Variants in SENP5 observed in about 807,000 individuals in gnomAD.
SENP5 encodes SUMO specific peptidase 5.
A neutral mutation model predicts 74.2 loss-of-function variants in SENP5; 21 were observed. The ratio of observed to expected loss-of-function variants is 0.28; its 90% CI spans 0.20 to 0.41. SENP5 has a LOEUF of 0.41. SENP5 is among the 10% of genes least tolerant of loss of function. The probability of loss-of-function intolerance (pLI) is 1.00; values close to 1 mark genes in which losing one functional copy is unlikely to be tolerated. For synonymous variants in SENP5, 311 were observed against 312.7 expected, an observed-to-expected ratio of 0.99 and a Z score of 0.06; for missense variants, 717 against 889.1, an observed-to-expected ratio of 0.81 and a Z score of 2.46.
rs544989017 is a variant in SENP5, at chr3:196,882,009, G to T, written c.-31-3142G>T. On this transcript the variant is annotated intron_variant, in intron 1 of 9. Transcript: ENST00000323460. ...ACTCCCAGGTTCAAGCAATTCTCGTGTCTCAGCCTCCCGAGTAGCTGGGAT... is the reference window on the plus strand; with the variant it reads ...ACTCCCAGGTTCAAGCAATTCTCGTTTCTCAGCCTCCCGAGTAGCTGGGAT... Among the ~76,000 whole-genome samples, 187 of 149,868 alleles carry T rather than the reference G, an allele frequency of 1.2e-3. 1 individual carries two copies. The highest frequency in any genetic ancestry group is 1.8e-3 in the East Asian group (9 of 5,030).
At chr3:196,902,018 A>G (rs192429796) in intron 5 of SENP5, among the ~76,000 whole-genome samples, 1 of 152,358 alleles carries the variant, frequency 6.6e-6, no homozygotes, top group Admixed American at 6.5e-5. Flanking sequence ...TGTTTTGACA[A>G]GCTCTCTAGA....
Position 196,885,817 on chromosome 3 carries a change from G to A in SENP5, c.636G>A (p.Leu212=). ...AGCACCACAGGAATGGGGGACCCTT[G>A]ATTCCAAAAAAGTTCCAACTTAACC... ...GPEHHRNGGP[L]IPKKFQLNQH... The change falls in exon 2 of 10, where the codon TTG becomes TTA. Residue 212 remains leucine (L), a synonymous_variant. Transcript: ENST00000323460. The A allele has an allele frequency of 6.2e-7, 1 of 1,614,094 alleles. No homozygotes were observed. The highest frequency in any genetic ancestry group is 1.1e-5 in the South Asian group (1 of 91,070).
At chr3:196,874,841 T>A (rs567391448) in intron 1 of SENP5, among the ~76,000 whole-genome samples, 13 of 152,180 alleles carry the variant, frequency 8.5e-5, no homozygotes, top group Admixed American at 3.9e-4. Flanking sequence ...ATCGTGCCAT[T>A]GTACTCCAGC....
Position 196,885,853 on chromosome 3 carries a change from G to A in SENP5, c.672G>A (p.Arg224=), listed in dbSNP as rs1176563857. The part of the protein sequence containing the change: ...PKKFQLNQHR[R]IKLSPLMMYE... ...AGTTCCAACTTAACCAACATAGAAG[G>A]ATAAAATTATCTCCTCTTATGATGT... The change falls in exon 2 of 10, where the codon AGG becomes AGA. Residue 224 remains arginine (R), a synonymous_variant. Transcript: ENST00000323460. 3 of 1,613,962 alleles carry A rather than the reference G, an allele frequency of 1.9e-6. No homozygotes were observed. The highest frequency in any genetic ancestry group is 2.5e-6 in the Non-Finnish European group (3 of 1,179,998).
chr3:196,892,566 C>T (rs979427463), intron 2 of SENP5, among the ~76,000 whole-genome samples: 1 of 152,156 alleles, frequency 6.6e-6, no homozygotes, highest in Non-Finnish European at 1.5e-5. Flanking sequence ...CTCACTTCGT[C>T]GTGAGAACAT....
At chr3:196,872,622 C>T (rs142376684) in intron 1 of SENP5, among the ~76,000 whole-genome samples, 1,669 of 152,242 alleles carry the variant, frequency 0.011, 22 homozygotes, top group African/African-American at 0.032. Context: ...TAAGCTGCTA[C>T]GTGTGGTTAG....
chr3:196,894,488 C>T (rs1328926447), intron 2 of SENP5, among the ~76,000 whole-genome samples: 1 of 151,356 alleles, frequency 6.6e-6, no homozygotes, highest in Non-Finnish European at 1.5e-5. Flanking sequence ...TCATTCTTTA[C>T]ACCAAAATGA....
intron 1 of SENP5, among the ~76,000 whole-genome samples, chr3:196,879,773 T>G (rs1460359601): frequency 6.6e-6 from 1 of 152,212 alleles, no homozygotes; most frequent in Admixed American, 6.5e-5. Flanking sequence ...TTAGTTGTTA[T>G]GTTAGTTTCA....
At chr3:196,907,574 G>A (rs973554141) in intron 6 of SENP5, among the ~76,000 whole-genome samples, 3 of 152,006 alleles carry the variant, frequency 2.0e-5, no homozygotes. Context: ...AAACATGAGA[G>A]TGAAAGAATA....
At position 196,904,448 on chromosome 3, in the gene SENP5, A is replaced by G. The variant is rs114375070; in HGVS notation, c.1884+838A>G. On this transcript the variant is annotated intron_variant, in intron 6 of 9. Coordinates refer to ENST00000323460, the MANE Select transcript of SENP5 (RefSeq NM_152699.5). Reference sequence around the variant, plus strand: ...CAGGGATCAAGTCATGTGGCGCCATATAGGCCCTGGTAAAGAGTTTGGATC... The same window carrying G: ...CAGGGATCAAGTCATGTGGCGCCATGTAGGCCCTGGTAAAGAGTTTGGATC... Among the ~76,000 whole-genome samples, 931 of 152,320 alleles carry G rather than the reference A, an allele frequency of 6.1e-3. 3 individuals carry two copies. The highest frequency in any genetic ancestry group is 0.021 in the African/African-American group (883 of 41,574).
intron 6 of SENP5, among the ~76,000 whole-genome samples, chr3:196,908,335 A>G (rs1237015029): frequency 2.6e-5 from 4 of 152,212 alleles, no homozygotes; most frequent in Non-Finnish European, 2.9e-5. Context: ...CTGTTCCTGA[A>G]TAACTCCTGG....
At chr3:196,872,390 C>A (rs1713255445) in intron 1 of SENP5, among the ~76,000 whole-genome samples, 1 of 152,140 alleles carries the variant, frequency 6.6e-6, no homozygotes, top group Admixed American at 6.6e-5. Context: ...GGGTCAGATT[C>A]CCTAAAGAAG....
intron 8 of SENP5, among the ~76,000 whole-genome samples, chr3:196,928,726 A>C (rs1013024503): frequency 1.2e-4 from 18 of 152,168 alleles, no homozygotes; most frequent in African/African-American, 4.3e-4. Flanking sequence ...CAAATGCTAA[A>C]TTTTAAAATT....
intron 2 of SENP5, among the ~76,000 whole-genome samples, chr3:196,899,402 C>G (rs1714602004): frequency 1.2e-5 from 1 of 83,216 alleles, no homozygotes; most frequent in Non-Finnish European, 3.3e-5. Flanking sequence ...TCCATTCCTT[C>G]TCTAACAATG....
At chr3:196,906,673 G>A (rs888860077) in intron 6 of SENP5, among the ~76,000 whole-genome samples, 2 of 152,196 alleles carry the variant, frequency 1.3e-5, no homozygotes, top group Non-Finnish European at 2.9e-5. Context: ...AATGGGAAAA[G>A]GCTAGTGTAG....
chr3:196,902,839 G>C (rs1714753074), intron 5 of SENP5, among the ~76,000 whole-genome samples: 1 of 152,168 alleles, frequency 6.6e-6, no homozygotes, highest in African/African-American at 2.4e-5. Context: ...CCTTTTTATG[G>C]TTACTGTAAC....
intron 1 of SENP5, among the ~76,000 whole-genome samples, chr3:196,873,839 A>G (rs1371616270): frequency 6.6e-6 from 1 of 152,140 alleles, no homozygotes; most frequent in African/African-American, 2.4e-5. Context: ...CTCCATCTCA[A>G]AAAACAAAAC....
chr3:196,931,054 A>G lies in SENP5; in HGVS notation c.*131A>G, dbSNP rs929346955. ...TGTTGGGCCACTATTGTTACCTCAA[A>G]TTTATTTTTTGCCCTTATTCATTTC... On this transcript the variant is annotated 3_prime_UTR_variant, in exon 10 of 10. Coordinates refer to ENST00000323460, the MANE Select transcript of SENP5 (RefSeq NM_152699.5). 1 of 637,978 alleles carries G rather than the reference A, an allele frequency of 1.6e-6. No homozygotes were observed. The allele number at this position is 637,978 out of a possible 1,614,324, so 39.5% of individuals were successfully genotyped here.
At chr3:196,926,747 T>G (rs188339450) in intron 7 of SENP5, among the ~76,000 whole-genome samples, 13 of 150,896 alleles carry the variant, frequency 8.6e-5, no homozygotes, top group Admixed American at 7.9e-4. Context: ...CAAGCGATTC[T>G]CATGTCTCAG....
Sources: allele counts gnomAD v4.1 joint callset (sites outside exome capture counted in the v4.1 genomes callset), GRCh38; gene constraint gnomAD v4.1.1; transcripts MANE v1.5; gene names NCBI Gene and HGNC (gene_info 2026-07-23, HGNC 2026-07-21).